The following UBR4 variants were observed in gnomAD, a reference collection of about 807,000 sequenced individuals.
UBR4 encodes E3 ubiquitin-protein ligase UBR4.
A neutral mutation model predicts 575.6 loss-of-function variants in UBR4; 124 were observed. The observed-to-expected ratio is 0.22, with a 90% CI of 0.19 to 0.25. The LOEUF is 0.25. UBR4 is among the 10% of genes least tolerant of loss of function. The probability of loss-of-function intolerance (pLI) is 1.00; values close to 1 mark genes in which losing one functional copy is unlikely to be tolerated. For synonymous variants in UBR4, 2,455 were observed against 2,473.7 expected (o/e 0.99, Z 0.22); for missense variants, 4,818 against 6,478.8 (o/e 0.74, Z 8.80).
At chr1:19,124,454 G>T in intron 65 of UBR4, 87 bp downstream of exon 65, 1 of 1,538,998 alleles carries the variant, frequency 6.5e-7, no homozygotes, top group Non-Finnish European at 8.8e-7. Context: ...GAAATACCAA[G>T]TAAGGATGAG....
Position 19,177,610 on chromosome 1 carries a change from A to G in UBR4, c.2488T>C (p.Leu830=), listed in dbSNP as rs748832978. Residue 830 remains leucine, a synonymous_variant, in exon 19 of 106, where the codon TTG becomes CTG. Coordinates refer to ENST00000375254, the MANE Select transcript of UBR4 (RefSeq NM_020765.3). ...TGGATGATCTGGACAAAAAGCGACA[A>G]TATGGCCCGCCGGCCTGTCTCGGTG... ...NFTETGRRAI[L]SLFVQIIQEL... is the part of the protein sequence containing the mutation. The G allele has an allele frequency of 3.1e-6, 5 of 1,613,960 alleles. No individual in the cohort carries two copies. In the South Asian group the frequency reaches 5.5e-5, roughly 18 times the overall value.
At chr1:19,156,633 ATTCCTTTTGCAT>A in intron 41 of UBR4, 122 bp downstream of exon 41, 1 of 1,387,576 alleles carries the variant, frequency 7.2e-7, no homozygotes, top group Non-Finnish European at 9.8e-7. Flanking sequence ...TCAAAGAAAA[ATTCCTTTTGCAT>A]TTCAGTAGGT....
intron 51 of UBR4, 91 bp from the exon 52 acceptor site, chr1:19,147,091 T>G: frequency 7.1e-7 from 1 of 1,404,286 alleles, no homozygotes; most frequent in East Asian, 2.4e-5. Context: ...ATCACCAGGA[T>G]TATTACCTCC....
Position 19,100,875 on chromosome 1 carries a change from G to C in UBR4, c.13024-302C>G, listed in dbSNP as rs575475388. ...TATTAAAAAATCGGGGAAGGGGTGC[G>C]AGGAGGGACTTTCCTTCCTCCTCCT... On this transcript the variant is annotated intron_variant, in intron 88 of 105. Coordinates refer to ENST00000375254, the MANE Select transcript of UBR4 (RefSeq NM_020765.3). This position sits in a 1 kb window ranked among gnomAD's most constrained non-coding sequence, Gnocchi z 4.2. Among the ~76,000 whole-genome samples the C allele has an allele frequency of 1.3e-5, 2 of 152,080 alleles. No individual in the cohort carries two copies. The highest frequency in any genetic ancestry group is 1.5e-5 in the Non-Finnish European group (1 of 67,994).
chr1:19,187,380 G>A (rs906676606), intron 12 of UBR4, 61 bp downstream of exon 12: 2 of 1,610,956 alleles, frequency 1.2e-6, no homozygotes, highest in African/African-American at 1.3e-5. Context: ...GATCAAGCTT[G>A]CTTGGCCAGA....
At chr1:19,120,563 G>A (rs565582455) in intron 68 of UBR4, among the ~76,000 whole-genome samples, 1 of 152,314 alleles carries the variant, frequency 6.6e-6, no homozygotes, top group South Asian at 2.1e-4. Context: ...GTGATGCAGT[G>A]GTGAGCACAG....
At position 19,139,591 on chromosome 1, in the gene UBR4, G is replaced by A. The variant is rs2149938660; in HGVS notation, c.8594-371C>T. On this transcript the variant is annotated intron_variant, in intron 58 of 105. Transcript: ENST00000375254. This position sits in a 1 kb window ranked among gnomAD's most constrained non-coding sequence, Gnocchi z 4.2. ...GCTAAAATGCTTCATGGTCACCATT[G>A]TTTAGGTGTTACTGACACCTGCTGA... Among the ~76,000 whole-genome samples the A allele has an allele frequency of 6.6e-6, 1 of 152,342 alleles. No individual in the cohort carries two copies. The highest frequency in any genetic ancestry group is 2.1e-4 in the South Asian group (1 of 4,832).
chr1:19,091,730 G>A (rs576109313), intron 97 of UBR4, among the ~76,000 whole-genome samples: 1 of 152,318 alleles, frequency 6.6e-6, no homozygotes, highest in South Asian at 2.1e-4. Flanking sequence ...GTAAAATGCT[G>A]TAGCTACTCT....
At position 19,112,838 on chromosome 1, in the gene UBR4, C is replaced by T. The variant is rs2080048237; in HGVS notation, c.11487G>A (p.Leu3829=). The T allele has an allele frequency of 5.6e-6, 9 of 1,599,350 alleles. No homozygotes were observed. Among genetic ancestry groups the T allele is most frequent in the Non-Finnish European group, 7.7e-6 (9 of 1,170,134 alleles). Residue 3829 remains leucine (L), a synonymous_variant, in exon 78 of 106, where the codon TTG becomes TTA. Transcript: ENST00000375254. Reference sequence around the variant, plus strand: ...CTTCCCTCTGCTGTAGGTCATATTCCAACAACTCTTTGCGCGAAGCAAAGA... The same window carrying T: ...CTTCCCTCTGCTGTAGGTCATATTCTAACAACTCTTTGCGCGAAGCAAAGA... ...QKVFASRKEL[L]EYDLQQREAA...
At chr1:19,092,979 T>C (rs969022730) in intron 96 of UBR4, 61 bp from the exon 97 acceptor site, 5 of 1,470,396 alleles carry the variant, frequency 3.4e-6, no homozygotes, top group Non-Finnish European at 2.8e-6. Context: ...TAGAAACCAG[T>C]TGTTGACTCT....
intron 102 of UBR4, among the ~76,000 whole-genome samples, chr1:19,083,270 C>A (rs949507442): frequency 2.0e-5 from 3 of 152,094 alleles, no homozygotes; most frequent in African/African-American, 7.2e-5. Flanking sequence ...CCTGCCCCTG[C>A]GTGTTTTAAC....
intron 85 of UBR4, 78 bp from the exon 86 acceptor site, chr1:19,104,744 T>G: frequency 6.9e-7 from 1 of 1,447,492 alleles, no homozygotes; most frequent in South Asian, 1.2e-5. Context: ...TCCCAGGAGC[T>G]TGCAGCACCA....
chr1:19,149,637 A>G, intron 49 of UBR4: 1 of 858,150 alleles, frequency 1.2e-6, no homozygotes, highest in Admixed American at 3.5e-5. Flanking sequence ...CCATGCAATG[A>G]CCAGAACAGA....
chr1:19,127,992 G>A (rs2082007329), intron 62 of UBR4, among the ~76,000 whole-genome samples: 1 of 152,196 alleles, frequency 6.6e-6, no homozygotes, highest in South Asian at 2.1e-4. Flanking sequence ...GGCCATGAGG[G>A]TAAGAACTTC....
intron 50 of UBR4, among the ~76,000 whole-genome samples, 194 bp from the exon 51 acceptor site, chr1:19,148,321 G>A (rs1274670975): frequency 6.6e-6 from 1 of 152,040 alleles, no homozygotes; most frequent in African/African-American, 2.4e-5. Context: ...TGGAATCCAA[G>A]CTCATGATTC....
At position 19,114,771 on chromosome 1, in the gene UBR4, C is replaced by T. The variant is rs755708253; in HGVS notation, c.11202+40G>A. 5.0e-6 allele frequency: 8 copies of T among 1,610,634 alleles called. No homozygotes were observed. In the South Asian group the frequency reaches 7.7e-5, roughly 16 times the overall value. On this transcript the variant is annotated intron_variant, in intron 75 of 105. Coordinates refer to ENST00000375254, the MANE Select transcript of UBR4 (RefSeq NM_020765.3). ...CACCAGGTCTGCCCAAAGTCCAGAT[C>T]AAGGCCACAGCCCTGAGTCTAGGCC...
intron 7 of UBR4, 57 bp downstream of exon 7, chr1:19,197,613 C>T: frequency 1.3e-6 from 2 of 1,595,304 alleles, no homozygotes; most frequent in Non-Finnish European, 1.7e-6. Flanking sequence ...GGTGACAGAA[C>T]AAGACCCTGT....
chr1:19,206,395 A>C (rs1426110933), intron 1 of UBR4, among the ~76,000 whole-genome samples: 3 of 151,442 alleles, frequency 2.0e-5, no homozygotes, highest in Non-Finnish European at 2.9e-5. Flanking sequence ...GTGCGATCTC[A>C]GCTCACTGCA....
At position 19,126,812 on chromosome 1, in the gene UBR4, T is replaced by C. The variant is rs113681571; in HGVS notation, c.9229-157A>G. On this transcript the variant is annotated intron_variant, in intron 63 of 105. Transcript: ENST00000375254. Reference sequence around the variant, plus strand: ...TTGCACTGAAACTTCCCCAAGGAAGTTTGTGAGGTTTTTCAGAACTTTTTT... The same window carrying C: ...TTGCACTGAAACTTCCCCAAGGAAGCTTGTGAGGTTTTTCAGAACTTTTTT... 5.6e-3 allele frequency among the ~76,000 whole-genome samples: 852 copies of C among 152,298 alleles called. 5 individuals are homozygous for C. Among genetic ancestry groups the C allele is most frequent in the Non-Finnish European group, 8.9e-3 (608 of 68,024 alleles).
Sources: allele counts gnomAD v4.1 joint callset (sites outside exome capture counted in the v4.1 genomes callset), GRCh38; gene constraint gnomAD v4.1.1; non-coding constraint Gnocchi (gnomAD v3.1); transcripts MANE v1.5; gene names NCBI Gene and HGNC (gene_info 2026-07-23, HGNC 2026-07-21).